DENND5A: variants seen among roughly 807,000 people sequenced by gnomAD.
DENND5A encodes the protein DENN domain containing 5A, also known as DENN domain-containing protein 5A.
A neutral mutation model predicts 140.3 loss-of-function variants in DENND5A; 64 were observed. The ratio of observed to expected loss-of-function variants is 0.46; its 90% CI spans 0.37 to 0.56. The LOEUF (loss-of-function observed/expected upper bound fraction) is 0.56. Among genes scored for constraint, DENND5A ranks in the 20% least tolerant of loss-of-function variants. DENND5A has a pLI of 0.00. For missense variants in DENND5A, 1,292 were observed against 1,593.8 expected (o/e 0.81, Z 3.22); for synonymous variants, 605 against 607.7 (o/e 1.00, Z 0.07).
At chr11:9,185,831 A>T (rs1848894047) in intron 5 of DENND5A, among the ~76,000 whole-genome samples, 1 of 149,292 alleles carries the variant, frequency 6.7e-6, no homozygotes, top group Middle Eastern at 3.4e-3. Context: ...GCTGTCTGTA[A>T]ATTTGTGTGT....
intron 10 of DENND5A, 49 bp downstream of exon 10, chr11:9,169,807 T>G (rs760965205): frequency 3.6e-6 from 4 of 1,110,064 alleles, no homozygotes; most frequent in Non-Finnish European, 5.5e-6. Context: ...AGAGAAGGAG[T>G]GCACAGCATG....
intron 17 of DENND5A, 128 bp from the exon 18 acceptor site, chr11:9,145,241 G>T: frequency 1.4e-6 from 1 of 715,408 alleles, no homozygotes; most frequent in Non-Finnish European, 2.5e-6. Flanking sequence ...TAGAGGTCAT[G>T]GCTCTACATA....
At chr11:9,221,987 G>T (rs1850333090) in intron 1 of DENND5A, among the ~76,000 whole-genome samples, 1 of 150,328 alleles carries the variant, frequency 6.7e-6, no homozygotes, top group African/African-American at 2.4e-5. Context: ...TTGATCTCCT[G>T]ACCTCATGAT....
chr11:9,211,546 A>C (rs540209280), intron 1 of DENND5A, among the ~76,000 whole-genome samples: 1 of 152,316 alleles, frequency 6.6e-6, no homozygotes, highest in South Asian at 2.1e-4. Flanking sequence ...TTCTCAAGAG[A>C]AGAGTCAATC....
At chr11:9,257,630 C>A (rs143644382) in intron 1 of DENND5A, among the ~76,000 whole-genome samples, 1 of 146,576 alleles carries the variant, frequency 6.8e-6, no homozygotes, top group Admixed American at 6.8e-5. Context: ...TACAGGTGCC[C>A]GCCATCGCAC....
chr11:9,179,841 T>C (rs1848666971), intron 6 of DENND5A, among the ~76,000 whole-genome samples: 2 of 152,062 alleles, frequency 1.3e-5, no homozygotes, highest in Admixed American at 6.5e-5. Context: ...TGTTCCTCTT[T>C]AACTGCCCAT....
chr11:9,263,138 T>A (rs1445998163), intron 1 of DENND5A, among the ~76,000 whole-genome samples: 1 of 152,190 alleles, frequency 6.6e-6, no homozygotes, highest in East Asian at 1.9e-4. Context: ...TTTCTCCACC[T>A]GCTATTGAGG....
At position 9,142,010 on chromosome 11, in the gene DENND5A, C is replaced by A. The variant is rs1303291533; in HGVS notation, c.3610G>T (p.Ala1204Ser). The A allele has an allele frequency of 6.2e-7, 1 of 1,606,676 alleles. No homozygotes were observed. Among genetic ancestry groups the A allele is most frequent in the Non-Finnish European group, 8.5e-7 (1 of 1,176,910 alleles). Residue 1204 changes from alanine (A) to serine (S), a missense_variant, in exon 22 of 23, where the codon GCA becomes TCA. Ala to Ser is a moderately conservative substitution (Grantham distance 99). Around this residue, in one of 4 missense-constraint regions of DENND5A, gnomAD observed 498 missense variants for 689.7 expected, o/e 0.72. Transcript: ENST00000328194. ...RARNFCRFVTAINNTPRNIGK... is the reference protein window; with the variant it reads ...RARNFCRFVTSINNTPRNIGK... Reference sequence around the variant, plus strand: ...ATGTTCCGGGGAGTATTGTTGATTGCAGTGACAAATCGGCAGAAGTTCCGG... The same window carrying A: ...ATGTTCCGGGGAGTATTGTTGATTGAAGTGACAAATCGGCAGAAGTTCCGG...
At chr11:9,238,479 C>T (rs1027300870) in intron 1 of DENND5A, among the ~76,000 whole-genome samples, 1 of 151,230 alleles carries the variant, frequency 6.6e-6, no homozygotes, top group African/African-American at 2.4e-5. Context: ...TGCAGTGGCG[C>T]CATCTCGGCT....
intron 1 of DENND5A, among the ~76,000 whole-genome samples, chr11:9,250,203 C>G (rs1471693318): frequency 6.6e-6 from 1 of 151,102 alleles, no homozygotes; most frequent in Non-Finnish European, 1.5e-5. Context: ...TTAGCAGATG[C>G]AAATCTTTTT....
At chr11:9,235,073 G>C (rs1217252541) in intron 1 of DENND5A, among the ~76,000 whole-genome samples, 1 of 152,080 alleles carries the variant, frequency 6.6e-6, no homozygotes, top group Non-Finnish European at 1.5e-5. Flanking sequence ...AAGACATTTT[G>C]GCAGTTTCTT....
At chr11:9,200,279 T>C (rs1849479925) in intron 4 of DENND5A, among the ~76,000 whole-genome samples, 1 of 152,192 alleles carries the variant, frequency 6.6e-6, no homozygotes, top group Non-Finnish European at 1.5e-5. Context: ...CCAGAGAAGT[T>C]CCTCCCTATT....
chr11:9,170,554 G>A, intron 9 of DENND5A, 73 bp downstream of exon 9: 12 of 1,562,908 alleles, frequency 7.7e-6, no homozygotes, highest in Non-Finnish European at 1.1e-5. Context: ...AGGGGTAACA[G>A]CCCTAGCCCA....
chr11:9,201,787 T>C (rs1849532814), intron 4 of DENND5A, among the ~76,000 whole-genome samples: 1 of 151,988 alleles, frequency 6.6e-6, no homozygotes, highest in Non-Finnish European at 1.5e-5. Flanking sequence ...ACTGCAAATA[T>C]AATTCAAAAA....
rs557355115 is a variant in DENND5A at position 9,251,921 on chromosome 11, G to A, written c.109+13040C>T. Among the ~76,000 whole-genome samples, 5 of 151,342 alleles carry A rather than the reference G, an allele frequency of 3.3e-5. No homozygotes were observed. In the East Asian group the frequency reaches 5.9e-4, roughly 18 times the overall value. ...GGAGAATGGCGTGAACCTAGGAGGC[G>A]GAGCTTGCAGTGAGCCGAGATGGCA... On this transcript the variant is annotated intron_variant, in intron 1 of 22. Coordinates refer to ENST00000328194, the MANE Select transcript of DENND5A (RefSeq NM_015213.4).
At chr11:9,147,218 T>C in intron 15 of DENND5A, 67 bp from the exon 16 acceptor site, 1 of 1,559,174 alleles carries the variant, frequency 6.4e-7, no homozygotes, top group Middle Eastern at 1.7e-4. Flanking sequence ...GAATTTTCAG[T>C]TCTGGAAGGA....
intron 5 of DENND5A, among the ~76,000 whole-genome samples, chr11:9,185,420 C>T (rs1848876608): frequency 6.6e-6 from 1 of 152,100 alleles, no homozygotes. Context: ...TTTTCCAGCT[C>T]CATTATTAAA....
At chr11:9,232,827 A>G (rs980240309) in intron 1 of DENND5A, among the ~76,000 whole-genome samples, 1 of 152,208 alleles carries the variant, frequency 6.6e-6, no homozygotes, top group African/African-American at 2.4e-5. Flanking sequence ...CCATGAGCCT[A>G]TCAACTGCAG....
intron 12 of DENND5A, among the ~76,000 whole-genome samples, chr11:9,158,170 A>G (rs1241899578): frequency 6.6e-6 from 1 of 152,232 alleles, no homozygotes; most frequent in African/African-American, 2.4e-5. Flanking sequence ...ACATCCAAAG[A>G]GCCAGAAACC....
Sources: allele counts gnomAD v4.1 joint callset (sites outside exome capture counted in the v4.1 genomes callset), GRCh38; gene constraint gnomAD v4.1.1; regional missense constraint gnomAD v4.1.1; transcripts MANE v1.5; gene names NCBI Gene and HGNC (gene_info 2026-07-23, HGNC 2026-07-21).